ZFP90: variants seen among roughly 807,000 people sequenced by gnomAD.
ZFP90 encodes the protein zinc finger protein 90 homolog.
ZFP90 carries 38 observed loss-of-function variants against 60.8 expected under a neutral mutation model. The observed-to-expected ratio is 0.62, with a 90% CI of 0.48 to 0.82. The LOEUF (loss-of-function observed/expected upper bound fraction) is 0.82. ZFP90 is among the 40% of genes least tolerant of loss of function. ZFP90 has a pLI of 0.00. For synonymous variants in ZFP90, 287 were observed against 264.8 expected, an observed-to-expected ratio of 1.08 and a Z score of -0.82; for missense variants, 711 against 759.1, an observed-to-expected ratio of 0.94 and a Z score of 0.74.
intron 2 of ZFP90, among the ~76,000 whole-genome samples, chr16:68,552,108 GGAA>G (rs1335519849): frequency 1.3e-5 from 2 of 152,144 alleles, no homozygotes; most frequent in African/African-American, 4.8e-5. Context: ...TGTTACATCT[GGAA>G]GAAGGATGAG....
chr16:68,562,876 ATCATT>A, intron 4 of ZFP90, 163 bp from the exon 5 acceptor site: 3 of 1,467,222 alleles, frequency 2.0e-6, no homozygotes, highest in Non-Finnish European at 2.8e-6. Context: ...AGTCTTTGCT[ATCATT>A]TCTTCACTTT....
intron 2 of ZFP90, among the ~76,000 whole-genome samples, chr16:68,548,383 A>G (rs1432013777): frequency 6.6e-6 from 1 of 150,760 alleles, no homozygotes; most frequent in Non-Finnish European, 1.5e-5. Flanking sequence ...TTGTGTAAAC[A>G]TTGGTAGTTT....
intron 2 of ZFP90, chr16:68,557,062 A>G: frequency 5.1e-6 from 2 of 392,014 alleles, no homozygotes; most frequent in Admixed American, 5.4e-5. Flanking sequence ...ATCATGGCTC[A>G]CTGCAACCTC....
At chr16:68,575,793 T>C (rs1233019444) in exon 3 of ZFP90, 6 of 398,176 alleles carry the variant, frequency 1.5e-5, no homozygotes, top group Non-Finnish European at 2.7e-5. Context: ...CTGCCTAGGA[T>C]TTGTCTGCCT....
At chr16:68,545,082 T>C (rs1397223604) in intron 2 of ZFP90, among the ~76,000 whole-genome samples, 1 of 151,896 alleles carries the variant, frequency 6.6e-6, no homozygotes, top group African/African-American at 2.4e-5. Flanking sequence ...GGTTTCGTCA[T>C]GTTATCCAGG....
intron 2 of ZFP90, among the ~76,000 whole-genome samples, chr16:68,546,922 C>T (rs1394333883): frequency 6.6e-6 from 1 of 152,196 alleles, no homozygotes; most frequent in Non-Finnish European, 1.5e-5. Flanking sequence ...AGGCTGAATA[C>T]AGTGCTTTAA....
chr16:68,566,970 G>A lies in ZFP90; in HGVS notation c.*2272G>A. The A allele has an allele frequency of 1.0e-6, 1 of 985,626 alleles. No individual in the cohort carries two copies. Among genetic ancestry groups the A allele is most frequent in the Non-Finnish European group, 1.2e-6 (1 of 829,974 alleles). 61.1% of individuals were successfully genotyped at this position (985,626 alleles called of 1,614,324 possible). A position where few individuals can be genotyped will look rare whatever the true frequency, so the allele number is the denominator to read the frequency against. On this transcript the variant is annotated 3_prime_UTR_variant, in exon 5 of 5. Transcript: ENST00000563169. ...AAACTCAGCACATCTTCATTGACAG[G>A]GAGGGAGCCCAGGACATATGTGTGG...
intron 2 of ZFP90, among the ~76,000 whole-genome samples, chr16:68,572,809 G>A (rs2091574967): frequency 6.6e-6 from 1 of 152,250 alleles, no homozygotes; most frequent in Non-Finnish European, 1.5e-5. Flanking sequence ...GTTCCCTGTA[G>A]TGTGGAGGTG....
At chr16:68,548,939 T>C (rs548376502) in intron 2 of ZFP90, among the ~76,000 whole-genome samples, 1 of 152,344 alleles carries the variant, frequency 6.6e-6, no homozygotes, top group African/African-American at 2.4e-5. Context: ...TTTTTTATAA[T>C]CCAAGAATTT....
chr16:68,567,171 T>C, downstream of ZFP90: 1 of 985,512 alleles, frequency 1.0e-6, no homozygotes, highest in Non-Finnish European at 1.2e-6. Context: ...AGAACTTGGC[T>C]AAGATTAAAG....
chr16:68,556,434 AG>A (rs2091345583), intron 2 of ZFP90, among the ~76,000 whole-genome samples: 1 of 152,252 alleles, frequency 6.6e-6, no homozygotes. Context: ...GAGAAATCCT[AG>A]CATGTTTGCC....
chr16:68,564,888 C>G lies in ZFP90; in HGVS notation c.*190C>G. On this transcript the variant is annotated 3_prime_UTR_variant, in exon 5 of 5. Transcript: ENST00000563169. ...ACACATTCTCAGATCTGATTACAGA[C>G]TAGTGTAAAAACAGCTACATGTATG... 1.5e-6 allele frequency: 2 copies of G among 1,359,842 alleles called. No homozygotes were observed. The highest frequency in any genetic ancestry group is 1.9e-6 in the Non-Finnish European group (2 of 1,062,354). 84.2% of individuals were successfully genotyped at this position (1,359,842 alleles called of 1,614,324 possible). A position where few individuals can be genotyped will look rare whatever the true frequency, so the allele number is the denominator to read the frequency against.
chr16:68,563,621 G>A lies in ZFP90; in HGVS notation c.834G>A (p.Gly278=), dbSNP rs1230386996. The A allele has an allele frequency of 1.4e-5, 23 of 1,614,028 alleles. No homozygotes were observed. The highest frequency in any genetic ancestry group is 1.9e-5 in the Non-Finnish European group (22 of 1,180,004). Residue 278 remains glycine (G), a synonymous_variant, in exon 5 of 5, where the codon GGG becomes GGA. Transcript: ENST00000563169. ...QLTEHQRIHT[G]EKPFECNVCG... Reference sequence around the variant, plus strand: ...CTGAGCATCAGAGAATTCACACTGGGGAGAAACCCTTTGAATGCAATGTAT... The same window carrying A: ...CTGAGCATCAGAGAATTCACACTGGAGAGAAACCCTTTGAATGCAATGTAT...
upstream of ZFP90, among the ~76,000 whole-genome samples, chr16:68,537,236 C>T (rs1301798488): frequency 6.6e-6 from 1 of 152,136 alleles, no homozygotes; most frequent in Non-Finnish European, 1.5e-5. Flanking sequence ...AGCGATTCCC[C>T]TGCTACAGCC....
chr16:68,560,394 C>T (rs1408827315), intron 4 of ZFP90, among the ~76,000 whole-genome samples: 14 of 152,068 alleles, frequency 9.2e-5, no homozygotes, highest in African/African-American at 3.1e-4. Flanking sequence ...ATGGCACTGG[C>T]TTCTTTCACT....
chr16:68,534,005 A>AT (rs932041583), intron 2 of ZFP90: 1 of 152,032 alleles, frequency 6.6e-6, no homozygotes, highest in African/African-American at 2.4e-5. Flanking sequence ...AGTTCTGGAA[A>AT]TTTTCAGCCT....
rs527360152 is a variant in ZFP90, at chr16:68,562,687, G to A, written c.257-357G>A. The A allele has an allele frequency of 2.1e-5, 7 of 325,832 alleles. No individual in the cohort carries two copies. The East Asian group carries it at 3.8e-4, about 18-fold the overall frequency. The allele number at this position is 325,832 out of a possible 1,614,324, so 20.2% of individuals were successfully genotyped here. On this transcript the variant is annotated intron_variant, in intron 4 of 4. Coordinates refer to ENST00000563169, the MANE Select transcript of ZFP90 (RefSeq NM_001305203.2). ...ATATATTAGGAAGACAGATTTTGTG[G>A]TGGTTTATAAAAGGATAGGAGGCAT...
intron 2 of ZFP90, among the ~76,000 whole-genome samples, chr16:68,542,026 G>T (rs905097114): frequency 6.6e-6 from 1 of 152,148 alleles, no homozygotes; most frequent in Non-Finnish European, 1.5e-5. Flanking sequence ...ACAGAACACT[G>T]GTCCTAAACG....
At chr16:68,551,347 C>T (rs1354078725) in intron 2 of ZFP90, among the ~76,000 whole-genome samples, 1 of 151,060 alleles carries the variant, frequency 6.6e-6, no homozygotes, top group Non-Finnish European at 1.5e-5. Context: ...TTCCTAGTTC[C>T]TTGCTTTGGG....
Sources: allele counts gnomAD v4.1 joint callset (sites outside exome capture counted in the v4.1 genomes callset), GRCh38; gene constraint gnomAD v4.1.1; transcripts MANE v1.5; gene names NCBI Gene and HGNC (gene_info 2026-07-23, HGNC 2026-07-21).